Variants in NCOA2 observed in about 807,000 individuals in gnomAD.
The protein encoded by NCOA2 is nuclear receptor coactivator 2.
A neutral mutation model predicts 145.1 loss-of-function variants in NCOA2; 21 were observed. That is an observed-to-expected ratio of 0.14 (90% CI 0.10 to 0.21). The LOEUF is 0.21. Ranked by LOEUF, NCOA2 falls within the 10% of genes least tolerant of loss-of-function variation. NCOA2 has a pLI of 1.00. For synonymous variants in NCOA2, 619 were observed against 637.5 expected, an observed-to-expected ratio of 0.97 and a Z score of 0.44; for missense variants, 1,472 against 1,837.6, an observed-to-expected ratio of 0.80 and a Z score of 3.64.
chr8:70,430,306 C>T, the NCOA2 span, among the ~76,000 whole-genome samples: 44 of 152,158 alleles, frequency 2.9e-4, no homozygotes, highest in Non-Finnish European at 4.9e-4. Context: ...AATCTCTTGC[C>T]CCTTTAAGGA....
intron 4 of NCOA2, among the ~76,000 whole-genome samples, chr8:70,198,198 A>G (rs1337905254): frequency 6.6e-6 from 1 of 152,178 alleles, no homozygotes; most frequent in Non-Finnish European, 1.5e-5. Flanking sequence ...TCCACAAAAG[A>G]GCTGTCGTGG....
intron 2 of NCOA2, among the ~76,000 whole-genome samples, chr8:70,256,309 A>AT (rs1563687569): frequency 6.6e-6 from 1 of 152,158 alleles, no homozygotes; most frequent in African/African-American, 2.4e-5. Context: ...TGACAAAAAC[A>AT]TTTTTCAGAG....
the NCOA2 span, among the ~76,000 whole-genome samples, chr8:70,423,194 T>C: frequency 3.3e-4 from 50 of 152,272 alleles, no homozygotes; most frequent in East Asian, 9.1e-3. Flanking sequence ...TTGTTTTGTT[T>C]TGTTTTGAGA....
chr8:70,140,577 C>T (rs1023917346), intron 14 of NCOA2, among the ~76,000 whole-genome samples: 3 of 146,652 alleles, frequency 2.0e-5, no homozygotes, highest in Admixed American at 6.9e-5. Flanking sequence ...TTAGAAACTA[C>T]TGCTGTACCA....
chr8:70,422,717 A>C, the NCOA2 span, among the ~76,000 whole-genome samples: 39 of 152,228 alleles, frequency 2.6e-4, no homozygotes, highest in African/African-American at 9.1e-4. Context: ...TGCTGTTTTT[A>C]AAAAAAGTTC....
chr8:70,144,569 A>T (rs1320727386), intron 13 of NCOA2, 73 bp downstream of exon 13: 1 of 1,216,634 alleles, frequency 8.2e-7, no homozygotes, highest in Non-Finnish European at 1.2e-6. Flanking sequence ...AAATTCTACT[A>T]GTTTGATGTG....
At chr8:70,212,079 A>ATG (rs1195880229) in intron 4 of NCOA2, among the ~76,000 whole-genome samples, 1 of 29,696 alleles carries the variant, frequency 3.4e-5, no homozygotes, top group East Asian at 5.7e-4. Flanking sequence ...ATATATATAT[A>ATG]TATATATATA....
intron 2 of NCOA2, among the ~76,000 whole-genome samples, chr8:70,274,004 A>G (rs1825276143): frequency 6.6e-6 from 1 of 152,224 alleles, no homozygotes; most frequent in Non-Finnish European, 1.5e-5. Context: ...TGGACACTAC[A>G]GCTCTTTTCA....
intron 2 of NCOA2, among the ~76,000 whole-genome samples, chr8:70,281,031 T>C (rs1563717788): frequency 6.6e-6 from 1 of 151,790 alleles, no homozygotes; most frequent in Non-Finnish European, 1.5e-5. Context: ...CTAATGTGAA[T>C]TAAGCACTGG....
At chr8:70,424,293 C>G in the NCOA2 span, 1 of 373,298 alleles carries the variant, frequency 2.7e-6, no homozygotes, top group Non-Finnish European at 5.1e-6. Context: ...TCGCCAGGAC[C>G]TGGCTATAGT....
chr8:70,264,668 T>C (rs1824416732), intron 2 of NCOA2, among the ~76,000 whole-genome samples: 2 of 152,204 alleles, frequency 1.3e-5, no homozygotes, highest in African/African-American at 4.8e-5. Context: ...CATATCTATG[T>C]AAGGTATCAT....
intron 1 of NCOA2, among the ~76,000 whole-genome samples, chr8:70,309,910 C>T (rs886483953): frequency 6.6e-6 from 1 of 152,024 alleles, no homozygotes; most frequent in Non-Finnish European, 1.5e-5. Flanking sequence ...GCAGTGATCA[C>T]GCCATTGCAC....
intron 1 of NCOA2, among the ~76,000 whole-genome samples, chr8:70,343,010 T>C (rs1808291210): frequency 6.6e-6 from 1 of 152,180 alleles, no homozygotes; most frequent in African/African-American, 2.4e-5. Context: ...TTATATTCTA[T>C]TTCACTACAG....
chr8:70,142,056 G>A (rs912230580), intron 13 of NCOA2, among the ~76,000 whole-genome samples: 12 of 152,176 alleles, frequency 7.9e-5, no homozygotes, highest in Admixed American at 1.3e-4. Flanking sequence ...CCTTTTTGAG[G>A]TGTTAACAGT....
At chr8:70,278,974 C>CAAA (rs533687539) in intron 2 of NCOA2, among the ~76,000 whole-genome samples, 1 of 127,520 alleles carries the variant, frequency 7.8e-6, no homozygotes. Context: ...CTCCCCCAAC[C>CAAA]AAAAAAAAAA....
chr8:70,241,269 G>T (rs1443933591), intron 2 of NCOA2, among the ~76,000 whole-genome samples: 1 of 152,078 alleles, frequency 6.6e-6, no homozygotes, highest in African/African-American at 2.4e-5. Flanking sequence ...ACTTCTTTCA[G>T]ATCCCAGAAC....
intron 1 of NCOA2, among the ~76,000 whole-genome samples, chr8:70,325,871 T>A (rs1414249664): frequency 6.6e-6 from 1 of 152,152 alleles, no homozygotes; most frequent in Non-Finnish European, 1.5e-5. Context: ...CTTCATCATC[T>A]CTAACCTCAT....
chr8:70,374,707 TG>T (rs1811512227), intron 1 of NCOA2, among the ~76,000 whole-genome samples: 1 of 149,944 alleles, frequency 6.7e-6, no homozygotes, highest in Admixed American at 6.7e-5. Flanking sequence ...GAGGCTGAGG[TG>T]GGAAGATCGC....
intron 1 of NCOA2, among the ~76,000 whole-genome samples, chr8:70,297,372 T>C (rs962929126): frequency 1.3e-5 from 2 of 152,196 alleles, no homozygotes; most frequent in African/African-American, 4.8e-5. Context: ...TTCGTTCTGC[T>C]ACCCAGGCTG....
Sources: gnomAD v4.1 joint callset for allele counts (sites outside exome capture counted in the v4.1 genomes callset) on GRCh38, gnomAD v4.1.1 for gene constraint, MANE v1.5 for transcripts, NCBI Gene and HGNC (gene_info 2026-07-23, HGNC 2026-07-21) for gene names.